Variants in NKAIN3 observed in about 807,000 individuals in gnomAD.
NKAIN3 encodes the protein sodium/potassium transporting ATPase interacting 3.
A neutral mutation model predicts 30.2 loss-of-function variants in NKAIN3; 25 were observed. The observed-to-expected ratio is 0.83, with a 90% confidence interval of 0.60 to 1.16. NKAIN3 has a LOEUF of 1.16. Among genes scored for constraint, NKAIN3 ranks in the 50% most tolerant of loss-of-function variants. The probability of loss-of-function intolerance (pLI) is 0.00; values close to 1 mark genes in which losing one functional copy is unlikely to be tolerated. For missense variants in NKAIN3, 225 were observed against 254.1 expected, an observed-to-expected ratio of 0.89 and a Z score of 0.78; for synonymous variants, 91 against 89.6, an observed-to-expected ratio of 1.02 and a Z score of -0.09.
intron 4 of NKAIN3, among the ~76,000 whole-genome samples, chr8:62,842,473 A>G (rs1819563281): frequency 6.6e-6 from 1 of 152,110 alleles, no homozygotes; most frequent in Non-Finnish European, 1.5e-5. Flanking sequence ...ATCCCTATAA[A>G]AATTTCAAGG....
At chr8:62,672,344 C>T (rs1321188173) in intron 3 of NKAIN3, among the ~76,000 whole-genome samples, 2 of 152,104 alleles carry the variant, frequency 1.3e-5, no homozygotes, top group African/African-American at 4.8e-5. Context: ...TCATGAGTGC[C>T]CTAGAAGTAT....
intron 4 of NKAIN3, among the ~76,000 whole-genome samples, chr8:62,848,303 G>A (rs550268096): frequency 6.6e-6 from 1 of 152,210 alleles, no homozygotes; most frequent in South Asian, 2.1e-4. Flanking sequence ...CTATCCACGA[G>A]CATGGAATGT....
At chr8:62,322,214 G>T (rs1814950231) in intron 1 of NKAIN3, among the ~76,000 whole-genome samples, 1 of 152,152 alleles carries the variant, frequency 6.6e-6, no homozygotes, top group South Asian at 2.1e-4. Context: ...CGATTTTGCA[G>T]GTGCCATCTG....
rs16928872 is a variant in NKAIN3 at position 62,416,474 on chromosome 8, C to A, written c.55-163065C>A. On this transcript the variant is annotated intron_variant, in intron 1 of 6. Coordinates refer to ENST00000623646, the MANE Select transcript of NKAIN3 (RefSeq NM_001304533.3). The stretch of plus-strand genomic sequence containing the variant: ...GATCTTAACCTGTTCTCCCAGACAG[C>A]AGAGCTTAACAAAAAAGACCAATGG... 1.7e-3 allele frequency among the ~76,000 whole-genome samples: 256 copies of A among 152,222 alleles called. 4 individuals carry two copies. The highest frequency in any genetic ancestry group is 5.9e-3 in the African/African-American group (244 of 41,558).
downstream of NKAIN3, among the ~76,000 whole-genome samples, chr8:62,986,100 T>C (rs973231871): frequency 3.3e-5 from 5 of 152,216 alleles, no homozygotes; most frequent in Non-Finnish European, 7.3e-5. Context: ...TCATATTGTA[T>C]GGCAGACACA....
At chr8:62,989,547 C>A (rs1459072798), downstream of NKAIN3, among the ~76,000 whole-genome samples, 4 of 152,082 alleles carry the variant, frequency 2.6e-5, no homozygotes, top group Admixed American at 2.0e-4. Context: ...CCCCATGATT[C>A]TATAACTCCC....
downstream of NKAIN3, among the ~76,000 whole-genome samples, chr8:62,987,928 G>T (rs1824236685): frequency 6.6e-6 from 1 of 152,138 alleles, no homozygotes; most frequent in Non-Finnish European, 1.5e-5. Flanking sequence ...AAGCAAGTTA[G>T]TTACTTTCTA....
intron 1 of NKAIN3, chr8:62,473,276 G>T (rs1299759273): frequency 1.3e-5 from 2 of 152,148 alleles, no homozygotes; most frequent in Admixed American, 6.5e-5. Flanking sequence ...AATAAACATG[G>T]TTAAAAGTCT....
At chr8:62,827,809 A>C (rs982979660) in intron 4 of NKAIN3, among the ~76,000 whole-genome samples, 1 of 152,232 alleles carries the variant, frequency 6.6e-6, no homozygotes, top group Admixed American at 6.5e-5. Flanking sequence ...AGAAACATTA[A>C]GTTAATAAGT....
intron 1 of NKAIN3, among the ~76,000 whole-genome samples, chr8:62,531,223 G>A (rs73269414): frequency 2.5e-3 from 386 of 152,132 alleles, no homozygotes; most frequent in African/African-American, 9.0e-3. Context: ...AAGACCCAAT[G>A]GTACCTCTCA....
At chr8:62,308,658 T>C (rs563975601) in intron 1 of NKAIN3, among the ~76,000 whole-genome samples, 2 of 150,364 alleles carry the variant, frequency 1.3e-5, no homozygotes, top group Non-Finnish European at 2.9e-5. Context: ...TTAACAGAAG[T>C]TGGTAATGAA....
intron 3 of NKAIN3, among the ~76,000 whole-genome samples, chr8:62,616,903 G>A (rs186101532): frequency 1.6e-3 from 244 of 152,302 alleles, no homozygotes; most frequent in Non-Finnish European, 8.1e-4. Context: ...TGTAGTTGGG[G>A]CCTACTGGGA....
At chr8:62,831,926 A>G (rs1819209480) in intron 4 of NKAIN3, among the ~76,000 whole-genome samples, 1 of 152,174 alleles carries the variant, frequency 6.6e-6, no homozygotes, top group Non-Finnish European at 1.5e-5. Flanking sequence ...CAGACTGTCC[A>G]AGGCCAACGA....
intron 1 of NKAIN3, among the ~76,000 whole-genome samples, chr8:62,505,825 G>T (rs985421515): frequency 6.6e-6 from 1 of 152,014 alleles, no homozygotes; most frequent in African/African-American, 2.4e-5. Flanking sequence ...AATAACCAAA[G>T]TTATCTTATA....
intron 4 of NKAIN3, among the ~76,000 whole-genome samples, chr8:62,871,076 A>G (rs932398075): frequency 6.6e-6 from 1 of 152,050 alleles, no homozygotes; most frequent in African/African-American, 2.4e-5. Context: ...ATATATGTAC[A>G]CATTATGAAA....
intron 1 of NKAIN3, among the ~76,000 whole-genome samples, chr8:62,545,020 G>A (rs1046317895): frequency 6.6e-6 from 1 of 152,134 alleles, no homozygotes; most frequent in Non-Finnish European, 1.5e-5. Flanking sequence ...CAGCCTCATA[G>A]GCTGAGGAGG....
At chr8:62,344,714 C>G (rs1815872448) in intron 1 of NKAIN3, 3 of 247,846 alleles carry the variant, frequency 1.2e-5, no homozygotes, top group Admixed American at 5.1e-5. Flanking sequence ...ACCCAGTTGC[C>G]TATGGATATT....
At chr8:62,650,023 G>A (rs2130327078) in intron 3 of NKAIN3, among the ~76,000 whole-genome samples, 1 of 152,106 alleles carries the variant, frequency 6.6e-6, no homozygotes, top group African/African-American at 2.4e-5. Context: ...GCAAGGATCA[G>A]CCCACAAGAA....
At chr8:62,763,179 G>A (rs974903787) in intron 4 of NKAIN3, among the ~76,000 whole-genome samples, 14 of 125,494 alleles carry the variant, frequency 1.1e-4, no homozygotes, top group Non-Finnish European at 1.7e-4. Context: ...CGAGATCGAG[G>A]CACTGAACTC....
Sources: gnomAD v4.1 joint callset for allele counts (sites outside exome capture counted in the v4.1 genomes callset) on GRCh38, gnomAD v4.1.1 for gene constraint, MANE v1.5 for transcripts, NCBI Gene and HGNC (gene_info 2026-07-23, HGNC 2026-07-21) for gene names.